Variants in MAGI2 observed in about 807,000 individuals in gnomAD.
MAGI2 encodes membrane-associated guanylate kinase, WW and PDZ domain-containing protein 2.
Under a neutral mutation model 133.3 loss-of-function variants are expected in MAGI2, and 35 were observed. The ratio of observed to expected loss-of-function variants is 0.26; its 90% CI spans 0.20 to 0.35. The LOEUF is 0.35. Among genes scored for constraint, MAGI2 ranks in the 10% least tolerant of loss-of-function variants. The pLI, the probability that MAGI2 is intolerant of heterozygous loss-of-function variation, is 1.00. For synonymous variants in MAGI2, 729 were observed against 710.6 expected (o/e 1.03, Z -0.41); for missense variants, 1,636 against 1,863.4 (o/e 0.88, Z 2.25).
chr7:78,924,018 T>A (rs536933726), intron 2 of MAGI2, among the ~76,000 whole-genome samples: 1 of 152,300 alleles, frequency 6.6e-6, no homozygotes, highest in East Asian at 1.9e-4. Context: ...TGTATAAGAA[T>A]GCTTGTGATT....
intron 1 of MAGI2, among the ~76,000 whole-genome samples, chr7:79,229,666 T>C (rs1831181228): frequency 6.6e-6 from 1 of 152,150 alleles, no homozygotes; most frequent in Non-Finnish European, 1.5e-5. Flanking sequence ...TGGGCTCCAG[T>C]TGCAGACAGA....
intron 6 of MAGI2, among the ~76,000 whole-genome samples, chr7:78,458,439 G>C (rs2362606): frequency 0.16 from 24,179 of 152,110 alleles, 2,190 homozygotes; most frequent in Admixed American, 0.25. Context: ...CTACTGGCAA[G>C]ATGAAGGATT....
At chr7:79,136,120 AGAAAG>A (rs1225763616) in intron 1 of MAGI2, among the ~76,000 whole-genome samples, 2 of 151,538 alleles carry the variant, frequency 1.3e-5, no homozygotes, top group Non-Finnish European at 2.9e-5. Context: ...AAAGAAAGAA[AGAAAG>A]AAAGACACAA....
chr7:78,489,904 G>GGA (rs1793443002), intron 5 of MAGI2, 64 bp from the exon 6 acceptor site: 7 of 1,045,952 alleles, frequency 6.7e-6, no homozygotes, highest in South Asian at 4.7e-5. Context: ...TATTCCTTAA[G>GGA]AAAAAAAAAG....
intron 5 of MAGI2, among the ~76,000 whole-genome samples, chr7:78,492,141 C>T (rs7805441): frequency 0.61 from 92,202 of 151,782 alleles, 29,367 homozygotes; most frequent in African/African-American, 0.82. Context: ...AATTACCATT[C>T]CTATTGCACA....
At chr7:78,768,048 C>T (rs974141162) in intron 2 of MAGI2, among the ~76,000 whole-genome samples, 3 of 152,116 alleles carry the variant, frequency 2.0e-5, no homozygotes. Context: ...AAACAAAATT[C>T]CATTGGTGGG....
chr7:78,601,894 G>A (rs1002040639), intron 3 of MAGI2, among the ~76,000 whole-genome samples: 7 of 152,172 alleles, frequency 4.6e-5, no homozygotes, highest in African/African-American at 1.2e-4. Flanking sequence ...CAGTGGACAC[G>A]TGGTATAAAT....
Position 78,640,633 on chromosome 7 carries a change from C to A in MAGI2, c.419-13394G>T, listed in dbSNP as rs909972087. Among the ~76,000 whole-genome samples, 3 of 152,144 alleles carry A rather than the reference C, an allele frequency of 2.0e-5. No individual in the cohort carries two copies. In the South Asian group the frequency reaches 6.2e-4, roughly 32 times the overall value. On this transcript the variant is annotated intron_variant, in intron 2 of 21. Coordinates refer to ENST00000354212, the MANE Select transcript of MAGI2 (RefSeq NM_012301.4). ...ACAAAACAGAGGGGTGAATACCAAC[C>A]AGTAGCATCAGCCCAGCAGCTGACT...
intron 12 of MAGI2, among the ~76,000 whole-genome samples, chr7:78,191,904 G>A (rs894121716): frequency 6.6e-6 from 1 of 152,090 alleles, no homozygotes; most frequent in African/African-American, 2.4e-5. Context: ...AGTCAAATGA[G>A]GCACGGCAGC....
intron 9 of MAGI2, 121 bp downstream of exon 9, chr7:78,343,657 T>C (rs1790617020): frequency 3.2e-6 from 2 of 627,850 alleles, no homozygotes; most frequent in Non-Finnish European, 2.4e-6. Flanking sequence ...TTATGCTTCA[T>C]GCTTTTCCTA....
intron 2 of MAGI2, among the ~76,000 whole-genome samples, chr7:78,966,981 G>A (rs1280282799): frequency 6.6e-6 from 1 of 151,748 alleles, no homozygotes; most frequent in East Asian, 1.9e-4. Context: ...GTTTCACTCT[G>A]CCACCCAGGC....
chr7:78,630,639 T>C (rs1808882986), intron 2 of MAGI2, among the ~76,000 whole-genome samples: 1 of 151,814 alleles, frequency 6.6e-6, no homozygotes, highest in African/African-American at 2.4e-5. Context: ...CTGGTCTCAA[T>C]CTCCTGACCT....
chr7:79,045,833 A>G (rs1202633054), intron 1 of MAGI2, among the ~76,000 whole-genome samples: 2 of 152,144 alleles, frequency 1.3e-5, no homozygotes, highest in Admixed American at 6.5e-5. Flanking sequence ...GGATGTGGCA[A>G]TGAAAGGGTA....
chr7:78,354,094 T>C (rs1352660226), intron 7 of MAGI2, among the ~76,000 whole-genome samples: 1 of 152,200 alleles, frequency 6.6e-6, no homozygotes, highest in Non-Finnish European at 1.5e-5. Flanking sequence ...CATCATTTCC[T>C]GGCTACCTTC....
chr7:78,149,447 G>A lies in MAGI2; in HGVS notation c.2845+10578C>T, dbSNP rs540255010. Among the ~76,000 whole-genome samples the A allele has an allele frequency of 5.3e-5, 8 of 152,272 alleles. No individual in the cohort carries two copies. The East Asian group carries it at 7.7e-4, about 15-fold the overall frequency. On this transcript the variant is annotated intron_variant, in intron 16 of 21. Transcript: ENST00000354212. ...TTTAAAGCTTGTGATCATACACATC[G>A]ATTAAAGCTAAGAGTGACTTAGCAC...
chr7:79,091,286 A>G (rs1817026716), intron 1 of MAGI2, among the ~76,000 whole-genome samples: 1 of 152,108 alleles, frequency 6.6e-6, no homozygotes, highest in African/African-American at 2.4e-5. Flanking sequence ...CTTCCCCTAA[A>G]AGAAATCTCA....
intron 1 of MAGI2, among the ~76,000 whole-genome samples, chr7:79,060,524 T>A (rs569979856): frequency 6.6e-6 from 1 of 152,152 alleles, no homozygotes; most frequent in East Asian, 1.9e-4. Flanking sequence ...AAAAATAGAA[T>A]GCAGATGATT....
At chr7:78,747,650 A>G (rs370433743) in intron 2 of MAGI2, among the ~76,000 whole-genome samples, 2 of 152,312 alleles carry the variant, frequency 1.3e-5, no homozygotes, top group East Asian at 1.9e-4. Context: ...GAGCTGCTCA[A>G]CTAACGCAGA....
intron 6 of MAGI2, among the ~76,000 whole-genome samples, chr7:78,448,555 T>A (rs1788390735): frequency 6.6e-6 from 1 of 151,784 alleles, no homozygotes; most frequent in African/African-American, 2.4e-5. Context: ...CCAACACTTC[T>A]ATTATTCCAG....
Sources: gnomAD v4.1 joint callset for allele counts (sites outside exome capture counted in the v4.1 genomes callset) on GRCh38, gnomAD v4.1.1 for gene constraint, MANE v1.5 for transcripts, NCBI Gene and HGNC (gene_info 2026-07-23, HGNC 2026-07-21) for gene names.